PECAM1: variants seen among roughly 807,000 people sequenced by gnomAD.
The protein encoded by PECAM1 is platelet endothelial cell adhesion molecule.
Under a neutral mutation model 13.8 loss-of-function variants are expected in PECAM1, and 8 were observed. The ratio of observed to expected loss-of-function variants is 0.58; its 90% CI spans 0.34 to 1.05. PECAM1 has a LOEUF of 1.05. Ranked by LOEUF, PECAM1 falls within the 50% of genes least tolerant of loss-of-function variation. The probability of loss-of-function intolerance (pLI) is 0.03; values close to 1 mark genes in which losing one functional copy is unlikely to be tolerated. For missense variants in PECAM1, 304 were observed against 141.2 expected (o/e 2.15, Z -5.84); for synonymous variants, 136 against 52.6 (o/e 2.58, Z -6.86).
At chr17:64,326,453 T>G (rs9907469) in intron 15 of PECAM1, among the ~76,000 whole-genome samples, 13,872 of 152,260 alleles carry the variant, frequency 0.091, 1,033 homozygotes, top group African/African-American at 0.21. Context: ...GCCCCTCCTC[T>G]GCCAGGAGAG....
intron 5 of PECAM1, among the ~76,000 whole-genome samples, chr17:64,364,387 C>A (rs1196266654): frequency 1.3e-5 from 2 of 151,982 alleles, no homozygotes; most frequent in African/African-American, 4.8e-5. Flanking sequence ...CCGAATTCTA[C>A]CAGAGGTACA....
At position 64,323,703 on chromosome 17, in the gene PECAM1, G is replaced by T; in HGVS notation, c.*113C>A. 1 of 1,550,166 alleles carries T rather than the reference G, an allele frequency of 6.5e-7. No individual in the cohort carries two copies. The highest frequency in any genetic ancestry group is 8.8e-7 in the Non-Finnish European group (1 of 1,142,198). ...TTAGCCTGAGGAATTGCTGTGTTCT[G>T]TGGGAGCAGGGCAGGTTCATAAATA... On this transcript the variant is annotated 3_prime_UTR_variant, in exon 16 of 16. Coordinates refer to ENST00000563924, the MANE Select transcript of PECAM1 (RefSeq NM_000442.5).
rs7214643 is a variant in PECAM1 at position 64,321,170 on chromosome 17, T to C, written c.*2646A>G. The C allele has an allele frequency of 0.68, 102,915 of 152,082 alleles. 34,904 individuals carry two copies. Among genetic ancestry groups the C allele is most frequent in the East Asian group, 0.74 (3,821 of 5,166 alleles). 9.4% of individuals were successfully genotyped at this position (152,082 alleles called of 1,614,324 possible). The stretch of plus-strand genomic sequence containing the variant: ...CTTGGGGTCAGAAGAGGGAAAAGTT[T>C]TACTGTGTGTTGGCTAAGGACCATT... On this transcript the variant is annotated 3_prime_UTR_variant, in exon 16 of 16. Transcript: ENST00000563924.
intron 2 of PECAM1, among the ~76,000 whole-genome samples, chr17:64,384,145 A>C (rs1169081953): frequency 2.0e-5 from 3 of 152,164 alleles, no homozygotes; most frequent in African/African-American, 7.2e-5. Flanking sequence ...AAATAAATAA[A>C]TTAACAATAA....
chr17:64,357,858 G>A (rs925406982), intron 7 of PECAM1, among the ~76,000 whole-genome samples: 10 of 152,046 alleles, frequency 6.6e-5, no homozygotes, highest in Admixed American at 1.3e-4. Context: ...AGCCTCTAAC[G>A]TACCATGAGG....
At chr17:64,345,550 T>TA (rs1465334594) in intron 13 of PECAM1, among the ~76,000 whole-genome samples, 1 of 151,566 alleles carries the variant, frequency 6.6e-6, no homozygotes, top group Non-Finnish European at 1.5e-5. Flanking sequence ...CTGTCTCTAC[T>TA]AAAAATACAA....
At chr17:64,325,789 C>T (rs1280381337) in intron 15 of PECAM1, among the ~76,000 whole-genome samples, 1 of 152,172 alleles carries the variant, frequency 6.6e-6, no homozygotes, top group Non-Finnish European at 1.5e-5. Context: ...AAAAGGATTC[C>T]TGGATTCCTT....
chr17:64,331,018 G>C (rs1488106973), intron 14 of PECAM1, among the ~76,000 whole-genome samples: 1 of 152,004 alleles, frequency 6.6e-6, no homozygotes, highest in East Asian at 1.9e-4. Flanking sequence ...TAACACCACC[G>C]GTATCCTCTT....
At position 64,370,003 on chromosome 17, in the gene PECAM1, G is replaced by A. The variant is rs1006831373; in HGVS notation, c.714C>T (p.Phe238=). The A allele has an allele frequency of 1.2e-4, 48 of 398,624 alleles. No individual in the cohort carries two copies. The East Asian group carries it at 1.7e-3, about 14-fold the overall frequency. 24.7% of individuals were successfully genotyped at this position (398,624 alleles called of 1,614,324 possible). A position where few individuals can be genotyped will look rare whatever the true frequency, so the allele number is the denominator to read the frequency against. ...TGATCATTCCGGTGGGGCTGATGTGGAACTTGGGTGTAGAGAAGGATTCTG... is the reference window on the plus strand; with the variant it reads ...TGATCATTCCGGTGGGGCTGATGTGAAACTTGGGTGTAGAGAAGGATTCTG... ...TVTESFSTPK[F]HISPTGMIME... is the part of the protein sequence containing the mutation. Residue 238 remains phenylalanine, a synonymous_variant, in exon 5 of 16, where the codon TTC becomes TTT. Transcript: ENST00000563924.
At chr17:64,355,605 A>G (rs1190612559) in intron 8 of PECAM1, among the ~76,000 whole-genome samples, 3 of 152,150 alleles carry the variant, frequency 2.0e-5, no homozygotes, top group Non-Finnish European at 4.4e-5. Context: ...GATTACAGGT[A>G]TGAGCCACTG....
chr17:64,366,738 AC>A (rs2036114604), intron 5 of PECAM1, among the ~76,000 whole-genome samples: 1 of 148,166 alleles, frequency 6.7e-6, no homozygotes, highest in Non-Finnish European at 1.5e-5. Flanking sequence ...AAAACCAAAC[AC>A]CGCATCTTCT....
Position 64,323,642 on chromosome 17 carries a change from C to G in PECAM1, c.*174G>C. 2 of 1,471,194 alleles carry G rather than the reference C, an allele frequency of 1.4e-6. No homozygotes were observed. Among genetic ancestry groups the G allele is most frequent in the Non-Finnish European group, 1.8e-6 (2 of 1,113,390 alleles). 91.1% of individuals were successfully genotyped at this position (1,471,194 alleles called of 1,614,324 possible). ...CCCCTCTGTATCTCTTTCTACCCAA[C>G]ATTAACTTAGCAGGATGGATTTAAG... On this transcript the variant is annotated 3_prime_UTR_variant, in exon 16 of 16. Transcript: ENST00000563924.
chr17:64,350,430 T>C lies in PECAM1; in HGVS notation c.1994A>G (p.His665Arg). ...PNMEANSHYG[H>R]NDDVRNHAMK... ...TGCATGGTTTCTGACATCGTCATTG[T>C]GACCTAGTTGAAAAATAACAATTAG... is the stretch of plus-strand genomic sequence containing the variant. The change falls in exon 12 of 16, where the codon CAC becomes CGC. Residue 665 changes from histidine to arginine, a missense_variant. Coordinates refer to ENST00000563924, the MANE Select transcript of PECAM1 (RefSeq NM_000442.5). The C allele has an allele frequency of 2.3e-6, 1 of 430,504 alleles. No homozygotes were observed. The highest frequency in any genetic ancestry group is 4.3e-6 in the Non-Finnish European group (1 of 234,432). 26.7% of individuals were successfully genotyped at this position (430,504 alleles called of 1,614,324 possible). A position where few individuals can be genotyped will look rare whatever the true frequency, so the allele number is the denominator to read the frequency against.
rs1598045725 is a variant in PECAM1, at chr17:64,373,148, A to AAATAAATAAATAAAT, written c.691+1902_691+1903insATTTATTTATTTATT. 3.1e-4 allele frequency among the ~76,000 whole-genome samples: 43 copies of AAATAAATAAATAAAT among 139,390 alleles called. 1 individual carries two copies. The highest frequency in any genetic ancestry group is 3.6e-3 in the Middle Eastern group (1 of 280). The allele number at this position is 139,390 out of a possible 152,430, so 91.4% of individuals were successfully genotyped here. A position where few individuals can be genotyped will look rare whatever the true frequency, so the allele number is the denominator to read the frequency against. On this transcript the variant is annotated intron_variant, in intron 4 of 15. Coordinates refer to ENST00000563924, the MANE Select transcript of PECAM1 (RefSeq NM_000442.5). ...ATAAATAAATAAATAAATAAATAAA[A>AAATAAATAAATAAAT]AAAAAAGAAAATGCACAAAACATCT...
intron 4 of PECAM1, among the ~76,000 whole-genome samples, chr17:64,371,975 T>C (rs1344644071): frequency 6.6e-6 from 1 of 152,154 alleles, no homozygotes; most frequent in African/African-American, 2.4e-5. Context: ...CATATATGAA[T>C]AGGTGGTTTA....
At chr17:64,376,857 T>A (rs1349087986) in intron 3 of PECAM1, among the ~76,000 whole-genome samples, 2 of 152,086 alleles carry the variant, frequency 1.3e-5, no homozygotes, top group African/African-American at 4.8e-5. Context: ...GTGCCTGTAA[T>A]CCCAGTTGCT....
At position 64,321,604 on chromosome 17, in the gene PECAM1, A is replaced by G; in HGVS notation, c.*2212T>C. On this transcript the variant is annotated 3_prime_UTR_variant, in exon 16 of 16. Coordinates refer to ENST00000563924, the MANE Select transcript of PECAM1 (RefSeq NM_000442.5). Reference sequence around the variant, plus strand: ...GAAACCTCATCTCTGCAAAAAAAAAATTAAAAATTAGCCAGCTATGGCGGC... The same window carrying G: ...GAAACCTCATCTCTGCAAAAAAAAAGTTAAAAATTAGCCAGCTATGGCGGC... 3 of 436,484 alleles carry G rather than the reference A, an allele frequency of 6.9e-6. No homozygotes were observed. The highest frequency in any genetic ancestry group is 1.0e-5 in the Non-Finnish European group (3 of 301,398). The allele number at this position is 436,484 out of a possible 1,614,324, so 27.0% of individuals were successfully genotyped here. A position where few individuals can be genotyped will look rare whatever the true frequency, so the allele number is the denominator to read the frequency against.
intron 11 of PECAM1, among the ~76,000 whole-genome samples, chr17:64,351,398 A>G (rs1300208209): frequency 1.3e-5 from 2 of 152,224 alleles, no homozygotes; most frequent in Non-Finnish European, 2.9e-5. Flanking sequence ...TTAGAAAAGA[A>G]CATGAGCATT....
In PECAM1 at chr17:64,321,587, A is replaced by T; in HGVS notation, c.*2229T>A. Reference sequence around the variant, plus strand: ...AGCCTGGGCACCATGGTGAAACCTCATCTCTGCAAAAAAAAAATTAAAAAT... The same window carrying T: ...AGCCTGGGCACCATGGTGAAACCTCTTCTCTGCAAAAAAAAAATTAAAAAT... On this transcript the variant is annotated 3_prime_UTR_variant, in exon 16 of 16. Transcript: ENST00000563924. 2.1e-6 allele frequency: 1 copy of T among 486,844 alleles called. No homozygotes were observed. Among genetic ancestry groups the T allele is most frequent in the Non-Finnish European group, 2.8e-6 (1 of 352,664 alleles). The allele number at this position is 486,844 out of a possible 1,614,324, so 30.2% of individuals were successfully genotyped here.
Sources: allele counts gnomAD v4.1 joint callset (sites outside exome capture counted in the v4.1 genomes callset), GRCh38; gene constraint gnomAD v4.1.1; transcripts MANE v1.5; gene names NCBI Gene and HGNC (gene_info 2026-07-23, HGNC 2026-07-21).